The following ACER3 variants were observed in gnomAD, a reference collection of about 807,000 sequenced individuals.
ACER3 encodes alkaline ceramidase 3, also known as alkCDase 3.
Under a neutral mutation model 48.9 loss-of-function variants are expected in ACER3, and 16 were observed. The observed-to-expected ratio is 0.33, with a 90% CI of 0.22 to 0.50. ACER3 has a LOEUF of 0.50. ACER3 is among the 20% of genes least tolerant of loss of function. The pLI, the probability that ACER3 is intolerant of heterozygous loss-of-function variation, is 0.98. For synonymous variants in ACER3, 109 were observed against 107.8 expected (o/e 1.01, Z -0.07); for missense variants, 227 against 326.0 (o/e 0.70, Z 2.34).
intron 3 of ACER3, among the ~76,000 whole-genome samples, chr11:76,973,714 CA>C (rs1018710236): frequency 3.5e-4 from 53 of 151,734 alleles, no homozygotes; most frequent in African/African-American, 1.1e-3. Context: ...TCCTTTGATG[CA>C]AAAAAAGTTT....
At chr11:76,946,777 C>T (rs191722954) in intron 2 of ACER3, among the ~76,000 whole-genome samples, 36 of 152,308 alleles carry the variant, frequency 2.4e-4, no homozygotes, top group East Asian at 5.8e-4. Context: ...ATTTAGCCAA[C>T]GCTGGTCTAG....
chr11:76,949,368 A>C (rs1036642075), intron 2 of ACER3, among the ~76,000 whole-genome samples: 1 of 152,170 alleles, frequency 6.6e-6, no homozygotes. Context: ...TGTGCTGGAT[A>C]ATTTCTACAG....
intron 1 of ACER3, among the ~76,000 whole-genome samples, chr11:76,872,556 A>G (rs568175040): frequency 6.6e-6 from 1 of 152,232 alleles, no homozygotes; most frequent in Non-Finnish European, 1.5e-5. Context: ...CTAAGATTAC[A>G]TTGAAAATTA....
At chr11:77,011,266 G>A in intron 7 of ACER3, 1 of 911,742 alleles carries the variant, frequency 1.1e-6, no homozygotes, top group Non-Finnish European at 1.3e-6. Context: ...ATGTGCTGAT[G>A]TTCTTGCTCT....
chr11:76,891,985 C>G (rs1313584832), intron 1 of ACER3, among the ~76,000 whole-genome samples: 2 of 152,116 alleles, frequency 1.3e-5, no homozygotes, highest in Non-Finnish European at 2.9e-5. Flanking sequence ...TTTTCCTTTG[C>G]TTTTTCAGCA....
In ACER3 at chr11:76,958,992, A is replaced by G; in HGVS notation, c.228A>G (p.Gly76=). The change falls in exon 3 of 11, where the codon GGA becomes GGG. Residue 76 remains glycine (G), a synonymous_variant. Transcript: ENST00000532485. ...GTTTAATTTCAGTGGTAGGAATGGG[A>G]TCCTGGTGCTTCCACATGACTCTGA... ...SYLALTVVGM[G]SWCFHMTLKY... is the part of the protein sequence containing the mutation. 1 of 1,614,018 alleles carries G rather than the reference A, an allele frequency of 6.2e-7. No homozygotes were observed. Among genetic ancestry groups the G allele is most frequent in the Non-Finnish European group, 8.5e-7 (1 of 1,179,982 alleles).
At chr11:76,866,165 C>T (rs556985849) in intron 1 of ACER3, among the ~76,000 whole-genome samples, 1 of 152,084 alleles carries the variant, frequency 6.6e-6, no homozygotes, top group African/African-American at 2.4e-5. Context: ...ATGGCAGTAG[C>T]GTCAGCATTC....
At chr11:76,895,871 T>C (rs1174479718) in intron 1 of ACER3, among the ~76,000 whole-genome samples, 4 of 152,208 alleles carry the variant, frequency 2.6e-5, no homozygotes, top group Non-Finnish European at 5.9e-5. Context: ...AAATGAAATA[T>C]GATGTGGCCT....
chr11:76,987,799 A>T (rs4341568), intron 5 of ACER3, among the ~76,000 whole-genome samples: 17,276 of 152,004 alleles, frequency 0.11, 3,242 homozygotes, highest in African/African-American at 0.39. Flanking sequence ...AATTAGCTGG[A>T]TGTGGTGGCA....
intron 3 of ACER3, among the ~76,000 whole-genome samples, chr11:76,967,377 G>T (rs1948166878): frequency 6.6e-6 from 1 of 152,186 alleles, no homozygotes; most frequent in South Asian, 2.1e-4. Flanking sequence ...TCTACCAGAG[G>T]TACAAGGAGA....
chr11:76,947,028 A>T lies in ACER3; in HGVS notation c.215-11951A>T, dbSNP rs974485926. 2.0e-5 allele frequency among the ~76,000 whole-genome samples: 3 copies of T among 151,910 alleles called. No homozygotes were observed. In the East Asian group the frequency reaches 5.8e-4, roughly 29 times the overall value. On this transcript the variant is annotated intron_variant, in intron 2 of 10. Coordinates refer to ENST00000532485, the MANE Select transcript of ACER3 (RefSeq NM_018367.7). Reference sequence around the variant, plus strand: ...TCCCTGGCTAGGCAAGTTGCCTTGAACCCTCTCTTTATTCACTTTTGGTGC... The same window carrying T: ...TCCCTGGCTAGGCAAGTTGCCTTGATCCCTCTCTTTATTCACTTTTGGTGC...
At chr11:76,910,349 A>T (rs1256331291) in intron 1 of ACER3, among the ~76,000 whole-genome samples, 1 of 152,214 alleles carries the variant, frequency 6.6e-6, no homozygotes, top group Non-Finnish European at 1.5e-5. Context: ...CTGAAAAAAG[A>T]CTACATATAA....
At chr11:77,008,265 G>T (rs1184773073) in intron 7 of ACER3, among the ~76,000 whole-genome samples, 3 of 152,118 alleles carry the variant, frequency 2.0e-5, no homozygotes, top group Non-Finnish European at 4.4e-5. Flanking sequence ...CTTCCCAGAA[G>T]CCCAAGTCCC....
intron 2 of ACER3, among the ~76,000 whole-genome samples, chr11:76,942,835 T>A (rs1442067120): frequency 2.0e-5 from 3 of 151,968 alleles, no homozygotes; most frequent in African/African-American, 7.2e-5. Flanking sequence ...GTTGGGAGAT[T>A]TTTTTTAAAT....
chr11:76,906,072 G>T (rs1044046168), intron 1 of ACER3, among the ~76,000 whole-genome samples: 1 of 152,170 alleles, frequency 6.6e-6, no homozygotes, highest in East Asian at 1.9e-4. Flanking sequence ...GGCTGCCTTC[G>T]CTCATTACTG....
chr11:76,868,560 G>A (rs753449255), intron 1 of ACER3, among the ~76,000 whole-genome samples: 3 of 151,972 alleles, frequency 2.0e-5, no homozygotes, highest in Non-Finnish European at 4.4e-5. Flanking sequence ...GTCTTCCCCT[G>A]CCCTTCTTTC....
intron 6 of ACER3, among the ~76,000 whole-genome samples, chr11:76,992,326 A>C (rs1948821532): frequency 6.6e-6 from 1 of 152,134 alleles, no homozygotes; most frequent in African/African-American, 2.4e-5. Flanking sequence ...AAAATATAAA[A>C]TTTGGAAATT....
At chr11:76,973,148 G>A (rs1948352628) in intron 3 of ACER3, among the ~76,000 whole-genome samples, 1 of 152,202 alleles carries the variant, frequency 6.6e-6, no homozygotes, top group Admixed American at 6.5e-5. Context: ...GGCCTTTCAA[G>A]CCGGGAAAGG....
At chr11:76,895,393 C>T (rs192971304) in intron 1 of ACER3, among the ~76,000 whole-genome samples, 3 of 152,254 alleles carry the variant, frequency 2.0e-5, no homozygotes, top group Admixed American at 2.0e-4. Context: ...CACTGCACAA[C>T]ATATAAAGAC....
Sources: allele counts gnomAD v4.1 joint callset (sites outside exome capture counted in the v4.1 genomes callset), GRCh38; gene constraint gnomAD v4.1.1; transcripts MANE v1.5; gene names NCBI Gene and HGNC (gene_info 2026-07-23, HGNC 2026-07-21).